ARHGAP17: variants seen among roughly 807,000 people sequenced by gnomAD.
ARHGAP17 encodes the protein Rho GTPase activating protein 17, also known as rho GTPase-activating protein 17.
Under a neutral mutation model 99.5 loss-of-function variants are expected in ARHGAP17, and 57 were observed. The ratio of observed to expected loss-of-function variants is 0.57; its 90% CI spans 0.46 to 0.71. The LOEUF is 0.71. Among genes scored for constraint, ARHGAP17 ranks in the 30% least tolerant of loss-of-function variants. ARHGAP17 has a pLI of 0.00. For synonymous variants in ARHGAP17, 417 were observed against 429.6 expected, an observed-to-expected ratio of 0.97 and a Z score of 0.36; for missense variants, 1,000 against 1,122.4, an observed-to-expected ratio of 0.89 and a Z score of 1.56.
At chr16:24,968,854 C>A (rs1332038578) in intron 4 of ARHGAP17, 82 bp from the exon 5 acceptor site, 3 of 1,350,460 alleles carry the variant, frequency 2.2e-6, no homozygotes, top group Non-Finnish European at 3.2e-6. Context: ...TGCTGCTTGC[C>A]ATACAACAGG....
In ARHGAP17 at chr16:24,939,537, C is replaced by T. The variant is rs377481266; in HGVS notation, c.1551G>A (p.Lys517=). Residue 517 remains lysine (K), a synonymous_variant, in exon 17 of 20, where the codon AAG becomes AAA. Transcript: ENST00000289968. ...AHRRGGTLNR[K]HISPAFQPPL... is the part of the protein sequence containing the mutation. ...GCGGCTGGAAAGCGGGGGATATGTG[C>T]TTTCTATTTAGAGTGCCACCCCGCC... 2.3e-4 allele frequency: 365 copies of T among 1,607,902 alleles called. No individual in the cohort carries two copies. The highest frequency in any genetic ancestry group is 2.9e-4 in the Non-Finnish European group (343 of 1,178,036).
intron 9 of ARHGAP17, chr16:24,956,856 T>C (rs1278449459): frequency 1.3e-5 from 2 of 152,210 alleles, no homozygotes; most frequent in African/African-American, 4.8e-5. Context: ...CTGGCACAAT[T>C]CAAGAGGCAA....
rs763769060 is a variant in ARHGAP17, at chr16:24,968,388, C to A, written c.424G>T (p.Ala142Ser). 1 of 1,614,128 alleles carries A rather than the reference C, an allele frequency of 6.2e-7. No homozygotes were observed. Among genetic ancestry groups the A allele is most frequent in the Non-Finnish European group, 8.5e-7 (1 of 1,180,062 alleles). The change falls in exon 6 of 20, where the codon GCA becomes TCA. Residue 142 changes from alanine to serine, a missense_variant. Ala to Ser is a moderately conservative substitution (Grantham distance 99). This residue lies in a region of ARHGAP17 where 472 missense variants were observed against 611.1 expected (regional missense o/e 0.77). Coordinates refer to ENST00000289968, the MANE Select transcript of ARHGAP17 (RefSeq NM_001006634.3). The stretch of plus-strand genomic sequence containing the variant: ...GAATCCCAGTCTAACACCAATCTTG[C>A]AAGCTGCTTCCTCTGCTTCTGGATG... ...PNIQKQRKQL[A>S]RLVLDWDSVR...
rs956942077 is a variant in ARHGAP17, at chr16:24,939,448, G to C, written c.1640C>G (p.Ser547Cys). ...PAGPEPPPQS[S>C]RAESSSGGGT... ...ACCCCCAGAGCTGCTTTCAGCCCTA[G>C]AGCTCTGGGGAGGGGGCTCTGGGCC... Residue 547 changes from serine (S) to cysteine (C), a missense_variant, in exon 17 of 20, where the codon TCT becomes TGT. By Grantham distance (112) the Ser-to-Cys change is moderately radical. Around this residue, in one of 2 missense-constraint regions of ARHGAP17, gnomAD observed 528 missense variants for 511.4 expected, o/e 1.03. Coordinates refer to ENST00000289968, the MANE Select transcript of ARHGAP17 (RefSeq NM_001006634.3). The C allele has an allele frequency of 2.7e-5, 43 of 1,611,406 alleles. No homozygotes were observed. Among genetic ancestry groups the C allele is most frequent in the Non-Finnish European group, 3.0e-5 (35 of 1,179,460 alleles).
At chr16:24,922,292 C>T (rs149934859) in intron 19 of ARHGAP17, among the ~76,000 whole-genome samples, 15 of 152,316 alleles carry the variant, frequency 9.8e-5, no homozygotes, top group Admixed American at 2.6e-4. Context: ...ACTGTGTATA[C>T]GGATGAGATT....
At chr16:24,942,927 C>G (rs762909205) in intron 15 of ARHGAP17, among the ~76,000 whole-genome samples, 8 of 152,212 alleles carry the variant, frequency 5.3e-5, no homozygotes, top group Non-Finnish European at 1.2e-4. Flanking sequence ...CCCATCCTCA[C>G]TGGGCAACCT....
At position 25,015,339 on chromosome 16, in the gene ARHGAP17, C is replaced by A; in HGVS notation, c.-78G>T. 8.3e-7 allele frequency: 1 copy of A among 1,203,480 alleles called. No homozygotes were observed. 74.6% of individuals were successfully genotyped at this position (1,203,480 alleles called of 1,614,324 possible). On this transcript the variant is annotated 5_prime_UTR_variant, in exon 1 of 20. Transcript: ENST00000289968. ...CAGCCTGGCAGCTACTACATCGCTT[C>A]CCGGCCCAAACGGCGGCGCGGCGGT...
chr16:24,992,345 C>CT (rs755109872), intron 1 of ARHGAP17, among the ~76,000 whole-genome samples: 6 of 151,716 alleles, frequency 4.0e-5, no homozygotes, highest in Non-Finnish European at 5.9e-5. Flanking sequence ...TTTTCTTTTT[C>CT]TTTTTTTTGG....
At position 24,935,576 on chromosome 16, in the gene ARHGAP17, C is replaced by T. The variant is rs770822333; in HGVS notation, c.1788G>A (p.Gln596=). The change falls in exon 18 of 20, where the codon CAG becomes CAA. Residue 596 remains glutamine, a synonymous_variant. Coordinates refer to ENST00000289968, the MANE Select transcript of ARHGAP17 (RefSeq NM_001006634.3). The part of the protein sequence containing the change: ...AVPAPGRNNS[Q]IASGQNQPQA... ...GGGGCTGATTTTGGCCAGATGCTAT[C>T]TGACTGTTGTTTCTCCCTGGTGCTG... The T allele has an allele frequency of 6.2e-7, 1 of 1,614,172 alleles. No homozygotes were observed. Among genetic ancestry groups the T allele is most frequent in the African/African-American group, 1.3e-5 (1 of 75,050 alleles).
chr16:24,931,108 T>G lies in ARHGAP17; in HGVS notation c.2191A>C (p.Asn731His). Residue 731 changes from asparagine (N) to histidine (H), a missense_variant, in exon 19 of 20, where the codon AAT (asparagine) becomes CAT (histidine). By Grantham distance (68) the Asn-to-His change is moderately conservative. Transcript: ENST00000289968. ...QATPLMHTKP[N>H]SQGPPNPMAL... Reference sequence around the variant, plus strand: ...ATGGGGTTGGGAGGGCCCTGGCTATTGGGTTTGGTGTGCATCAGTGGCGTG... The same window carrying G: ...ATGGGGTTGGGAGGGCCCTGGCTATGGGGTTTGGTGTGCATCAGTGGCGTG... The G allele has an allele frequency of 6.2e-7, 1 of 1,606,736 alleles. No individual in the cohort carries two copies. The highest frequency in any genetic ancestry group is 2.2e-5 in the East Asian group (1 of 44,828).
At chr16:24,938,453 A>AAGAG (rs2051204211) in intron 17 of ARHGAP17, among the ~76,000 whole-genome samples, 1 of 152,114 alleles carries the variant, frequency 6.6e-6, no homozygotes, top group Non-Finnish European at 1.5e-5. Flanking sequence ...AGGTTAAGCA[A>AAGAG]CTAAAAGAGC....
At chr16:24,964,042 A>G (rs2052095197) in intron 7 of ARHGAP17, among the ~76,000 whole-genome samples, 155 bp downstream of exon 7, 1 of 152,200 alleles carries the variant, frequency 6.6e-6, no homozygotes, top group Non-Finnish European at 1.5e-5. Context: ...TCATAAAATA[A>G]TATAGTCTTA....
chr16:25,012,928 G>A (rs1206129363), intron 1 of ARHGAP17, among the ~76,000 whole-genome samples: 1 of 152,218 alleles, frequency 6.6e-6, no homozygotes, highest in South Asian at 2.1e-4. Context: ...CCACCAAGGC[G>A]ATCTAGTAAG....
intron 1 of ARHGAP17, among the ~76,000 whole-genome samples, chr16:24,982,988 ATATATATATTTTTTTTT>A (rs1305234301): frequency 1.6e-4 from 5 of 31,904 alleles, no homozygotes; most frequent in Admixed American, 6.5e-4. Context: ...ATATATATAT[ATATATATATTTTTTTTT>A]TTTTTTTTTT....
intron 10 of ARHGAP17, among the ~76,000 whole-genome samples, chr16:24,953,863 T>C (rs973197441): frequency 6.6e-6 from 1 of 151,988 alleles, no homozygotes. Flanking sequence ...GAAGCACCAA[T>C]GTAGGCTGTT....
intron 1 of ARHGAP17, among the ~76,000 whole-genome samples, chr16:24,982,974 A>ATATATATATTTATATATATATATATATT: frequency 5.2e-5 from 1 of 19,402 alleles, no homozygotes; most frequent in African/African-American, 2.0e-4. Context: ...TCATATATAT[A>ATATATATATTTATATATATATATATATT]TATATATATA....
intron 19 of ARHGAP17, among the ~76,000 whole-genome samples, chr16:24,927,376 G>C (rs1269680371): frequency 6.6e-6 from 1 of 152,180 alleles, no homozygotes; most frequent in Non-Finnish European, 1.5e-5. Flanking sequence ...TTCTAACTCA[G>C]TCAGGTCTGA....
Position 25,015,270 on chromosome 16 carries a change from T to TGGCGGCGGC in ARHGAP17, c.-18_-10dup. ...TTGAACTGCTTCTTCATGGCGGCGGTGGCGGCGGCGGCCCGCGGGGCTCGG... is the reference window on the plus strand; with the variant it reads ...TTGAACTGCTTCTTCATGGCGGCGGTGGCGGCGGCGGCGGCGGCGGCCCGCGGGGCTCGG... On this transcript the variant is annotated 5_prime_UTR_variant, in exon 1 of 20. Transcript: ENST00000289968. 3.7e-6 allele frequency: 5 copies of TGGCGGCGGC among 1,338,608 alleles called. No individual in the cohort carries two copies. The highest frequency in any genetic ancestry group is 2.0e-5 in the South Asian group (1 of 50,676). The allele number at this position is 1,338,608 out of a possible 1,614,324, so 82.9% of individuals were successfully genotyped here.
At chr16:24,927,693 T>C in intron 19 of ARHGAP17, 1 of 1,218,366 alleles carries the variant, frequency 8.2e-7, no homozygotes, top group Non-Finnish European at 1.1e-6. Context: ...CCATTAAATA[T>C]TCCAATCTCA....
Sources: gnomAD v4.1 joint callset for allele counts (sites outside exome capture counted in the v4.1 genomes callset) on GRCh38, gnomAD v4.1.1 for gene constraint, gnomAD v4.1.1 regional missense constraint, MANE v1.5 for transcripts, NCBI Gene and HGNC (gene_info 2026-07-23, HGNC 2026-07-21) for gene names.